Variants in SIL1 observed in about 807,000 individuals in gnomAD.
SIL1 encodes nucleotide exchange factor SIL1.
In SIL1, 40 loss-of-function variants were observed where a neutral mutation model predicts 49.1. The ratio of observed to expected loss-of-function variants is 0.81; its 90% CI spans 0.63 to 1.06. The LOEUF is 1.06. Ranked by LOEUF, SIL1 falls within the 50% of genes least tolerant of loss-of-function variation. The pLI, the probability that SIL1 is intolerant of heterozygous loss-of-function variation, is 0.00. For synonymous variants in SIL1, 253 were observed against 250.8 expected (o/e 1.01, Z -0.08); for missense variants, 500 against 572.6 (o/e 0.87, Z 1.29).
chr5:139,184,679 A>C (rs1389982926), intron 1 of SIL1, among the ~76,000 whole-genome samples: 1 of 152,192 alleles, frequency 6.6e-6, no homozygotes, highest in Non-Finnish European at 1.5e-5. Context: ...CTCTAAAAAA[A>C]CTACAACTAA....
intron 1 of SIL1, among the ~76,000 whole-genome samples, chr5:139,172,491 G>A (rs1306638214): frequency 6.6e-6 from 1 of 152,164 alleles, no homozygotes; most frequent in Non-Finnish European, 1.5e-5. Context: ...AAATTAGCTG[G>A]GCATGGTGGC....
At chr5:139,056,283 C>G (rs553900072) in intron 3 of SIL1, among the ~76,000 whole-genome samples, 2 of 151,180 alleles carry the variant, frequency 1.3e-5, no homozygotes, top group East Asian at 3.9e-4. Context: ...TCTGCCCGGC[C>G]GCCCATCGTC....
At chr5:139,015,137 C>A (rs927462844) in intron 7 of SIL1, among the ~76,000 whole-genome samples, 1 of 152,190 alleles carries the variant, frequency 6.6e-6, no homozygotes, top group Non-Finnish European at 1.5e-5. Flanking sequence ...CTTTGTTTTT[C>A]ATGTATTCAT....
chr5:139,010,599 T>G (rs2150419177), intron 7 of SIL1, among the ~76,000 whole-genome samples: 1 of 150,178 alleles, frequency 6.7e-6, no homozygotes, highest in East Asian at 2.0e-4. Context: ...TGGTTTTATC[T>G]ACTTTTGGTC....
chr5:138,990,543 C>T (rs1767734083), intron 7 of SIL1, among the ~76,000 whole-genome samples: 3 of 152,270 alleles, frequency 2.0e-5, no homozygotes. Context: ...CAGCCTCGAC[C>T]TCCCAGGTTC....
chr5:139,008,749 A>G (rs1188565444), intron 7 of SIL1, among the ~76,000 whole-genome samples: 1 of 151,682 alleles, frequency 6.6e-6, no homozygotes, highest in Non-Finnish European at 1.5e-5. Context: ...CAGGTTGTTC[A>G]GCTTCCATGT....
chr5:138,983,042 C>A (rs934200968), intron 7 of SIL1, among the ~76,000 whole-genome samples: 1 of 151,418 alleles, frequency 6.6e-6, no homozygotes, highest in Admixed American at 6.6e-5. Flanking sequence ...GCTAAAAATA[C>A]AAAAATTAGC....
intron 3 of SIL1, among the ~76,000 whole-genome samples, chr5:139,076,789 C>T (rs1249681345): frequency 2.6e-5 from 4 of 152,278 alleles, no homozygotes; most frequent in East Asian, 1.9e-4. Context: ...ACTCAAAGAC[C>T]GCAGTGACCT....
intron 3 of SIL1, among the ~76,000 whole-genome samples, chr5:139,074,027 A>T (rs1242575390): frequency 6.6e-6 from 1 of 152,226 alleles, no homozygotes; most frequent in African/African-American, 2.4e-5. Flanking sequence ...AATTAGCTAG[A>T]TTTAGTCATT....
At chr5:139,141,478 T>C (rs1006246617) in intron 1 of SIL1, among the ~76,000 whole-genome samples, 1 of 148,484 alleles carries the variant, frequency 6.7e-6, no homozygotes, top group African/African-American at 2.5e-5. Context: ...AGACTCTGTC[T>C]CTACAAAAAA....
chr5:138,963,365 A>G (rs1219449713), intron 7 of SIL1, among the ~76,000 whole-genome samples: 1 of 152,132 alleles, frequency 6.6e-6, no homozygotes, highest in Non-Finnish European at 1.5e-5. Context: ...AACATGATAA[A>G]TCTCACTGTG....
chr5:139,142,418 G>A (rs1751097715), intron 1 of SIL1, among the ~76,000 whole-genome samples: 1 of 152,112 alleles, frequency 6.6e-6, no homozygotes, highest in African/African-American at 2.4e-5. Flanking sequence ...AAATTCAGCA[G>A]CATATTAAGA....
At position 138,947,230 on chromosome 5, in the gene SIL1, G is replaced by A. The variant is rs199646978; in HGVS notation, c.1273C>T (p.Leu425=). 7.4e-6 allele frequency: 12 copies of A among 1,613,182 alleles called. No homozygotes were observed. In the African/African-American group the frequency reaches 1.6e-4, roughly 21 times the overall value. Residue 425 remains leucine, a synonymous_variant, in exon 10 of 10, where the codon CTG becomes TTG. Coordinates refer to ENST00000394817, the MANE Select transcript of SIL1 (RefSeq NM_022464.5). The surrounding 1 kb of genome is among the most constrained non-coding windows in gnomAD (Gnocchi z 4.1). Reference sequence around the variant, plus strand: ...GCCAGCACCTGGTACTCAGCCTGCAGGCTGGCCAGTGTCCTGCCGAGCTGG... The same window carrying A: ...GCCAGCACCTGGTACTCAGCCTGCAAGCTGGCCAGTGTCCTGCCGAGCTGG... ...DPQLGRTLAS[L]QAEYQVLASL... is the part of the protein sequence containing the mutation.
At chr5:139,051,507 G>A (rs559490920) in intron 3 of SIL1, among the ~76,000 whole-genome samples, 3 of 152,290 alleles carry the variant, frequency 2.0e-5, no homozygotes, top group Admixed American at 2.0e-4. Context: ...ATCCCAGCAA[G>A]CTTACACCTC....
At chr5:139,042,524 T>C in intron 5 of SIL1, 96 bp downstream of exon 5, 1 of 1,012,778 alleles carries the variant, frequency 9.9e-7, no homozygotes, top group Admixed American at 1.7e-5. Flanking sequence ...TTATCCCATG[T>C]TTATTGCAAG....
At chr5:138,996,996 G>A (rs759627791) in intron 7 of SIL1, among the ~76,000 whole-genome samples, 11 of 152,118 alleles carry the variant, frequency 7.2e-5, no homozygotes, top group South Asian at 2.1e-4. Context: ...GCAGCAGCAC[G>A]ATCACAGCTC....
At chr5:139,094,543 T>A (rs897064625) in intron 3 of SIL1, among the ~76,000 whole-genome samples, 1 of 152,230 alleles carries the variant, frequency 6.6e-6, no homozygotes, top group African/African-American at 2.4e-5. Flanking sequence ...TTTGAAAGGG[T>A]AGACAGAGAT....
At chr5:139,033,685 T>A (rs1768842578) in intron 5 of SIL1, among the ~76,000 whole-genome samples, 1 of 152,132 alleles carries the variant, frequency 6.6e-6, no homozygotes, top group Non-Finnish European at 1.5e-5. Flanking sequence ...GAGAACATAC[T>A]CTGCCTAATT....
intron 1 of SIL1, among the ~76,000 whole-genome samples, chr5:139,131,390 C>T (rs902503772): frequency 2.0e-5 from 3 of 152,144 alleles, no homozygotes; most frequent in Non-Finnish European, 1.5e-5. Flanking sequence ...TGAACCCACT[C>T]TCAGAAGTCA....
Sources: allele counts gnomAD v4.1 joint callset (sites outside exome capture counted in the v4.1 genomes callset), GRCh38; gene constraint gnomAD v4.1.1; non-coding constraint Gnocchi (gnomAD v3.1); transcripts MANE v1.5; gene names NCBI Gene and HGNC (gene_info 2026-07-23, HGNC 2026-07-21).